Variants in GRHL2 observed in about 807,000 individuals in gnomAD.
The protein encoded by GRHL2 is grainyhead-like protein 2 homolog.
In GRHL2, 21 loss-of-function variants were observed where a neutral mutation model predicts 83.8. The ratio of observed to expected loss-of-function variants is 0.25; its 90% CI spans 0.18 to 0.36. The LOEUF is 0.36. Among genes scored for constraint, GRHL2 ranks in the 10% least tolerant of loss-of-function variants. GRHL2 has a pLI of 1.00. For missense variants in GRHL2, 623 were observed against 781.8 expected, an observed-to-expected ratio of 0.80 and a Z score of 2.42; for synonymous variants, 280 against 278.9, an observed-to-expected ratio of 1.00 and a Z score of -0.04.
intron 7 of GRHL2, among the ~76,000 whole-genome samples, chr8:101,595,247 A>T (rs1812368489): frequency 6.6e-6 from 1 of 152,202 alleles, no homozygotes; most frequent in Non-Finnish European, 1.5e-5. Flanking sequence ...AGAGTATTTT[A>T]TCTGTATCTA....
intron 1 of GRHL2, among the ~76,000 whole-genome samples, chr8:101,527,889 T>A (rs1294731234): frequency 2.6e-5 from 4 of 152,226 alleles, no homozygotes; most frequent in African/African-American, 9.6e-5. Flanking sequence ...GATGAGAAGT[T>A]TATTGGCTGG....
chr8:101,536,326 G>A (rs1267933924), intron 1 of GRHL2, among the ~76,000 whole-genome samples: 1 of 152,176 alleles, frequency 6.6e-6, no homozygotes, highest in African/African-American at 2.4e-5. Context: ...GGATCAAAGA[G>A]GGGAAAGTTG....
chr8:101,675,956 G>A, the GRHL2 span, among the ~76,000 whole-genome samples: 1 of 152,148 alleles, frequency 6.6e-6, no homozygotes, highest in African/African-American at 2.4e-5. Flanking sequence ...ACAAGCAATG[G>A]AGAAAGGATT....
At chr8:101,613,624 A>G (rs1338466267) in intron 8 of GRHL2, among the ~76,000 whole-genome samples, 3 of 151,174 alleles carry the variant, frequency 2.0e-5, no homozygotes, top group East Asian at 3.8e-4. Context: ...GCACACAAAT[A>G]CAATCCTATC....
chr8:101,617,539 T>C (rs1812880506), intron 8 of GRHL2, among the ~76,000 whole-genome samples: 1 of 152,188 alleles, frequency 6.6e-6, no homozygotes, highest in Admixed American at 6.5e-5. Flanking sequence ...GATCTCTCTC[T>C]GTCACCCAGG....
chr8:101,642,972 T>G (rs1436739790), intron 12 of GRHL2, among the ~76,000 whole-genome samples: 1 of 152,196 alleles, frequency 6.6e-6, no homozygotes, highest in Non-Finnish European at 1.5e-5. Flanking sequence ...TCCGGGCTCC[T>G]ACAGCAAATT....
chr8:101,610,184 T>G (rs1812720173), intron 8 of GRHL2, among the ~76,000 whole-genome samples: 1 of 151,010 alleles, frequency 6.6e-6, no homozygotes, highest in African/African-American at 2.5e-5. Context: ...CAGCAATACC[T>G]GGGATTCAAC....
At chr8:101,602,073 G>C (rs1032412657) in intron 8 of GRHL2, among the ~76,000 whole-genome samples, 1 of 152,176 alleles carries the variant, frequency 6.6e-6, no homozygotes, top group African/African-American at 2.4e-5. Flanking sequence ...GAGAACATGA[G>C]GTGTTTGGTT....
intron 14 of GRHL2, among the ~76,000 whole-genome samples, chr8:101,654,922 C>T (rs1280492434): frequency 6.6e-6 from 1 of 152,166 alleles, no homozygotes; most frequent in East Asian, 1.9e-4. Flanking sequence ...GTGGCTCACA[C>T]CTGTAATCCC....
chr8:101,607,635 A>T (rs892485547), intron 8 of GRHL2, among the ~76,000 whole-genome samples: 1 of 152,238 alleles, frequency 6.6e-6, no homozygotes, highest in African/African-American at 2.4e-5. Flanking sequence ...AAAAGTAAAA[A>T]TAGGGCTGGG....
At chr8:101,572,905 A>G (rs796257046) in intron 5 of GRHL2, among the ~76,000 whole-genome samples, 11 of 152,356 alleles carry the variant, frequency 7.2e-5, no homozygotes, top group African/African-American at 2.6e-4. Context: ...TTGGCAGGCT[A>G]TCGTCTCTAC....
At chr8:101,636,331 T>C (rs1364636830) in intron 11 of GRHL2, among the ~76,000 whole-genome samples, 2 of 152,228 alleles carry the variant, frequency 1.3e-5, no homozygotes, top group Non-Finnish European at 1.5e-5. Flanking sequence ...GCCTGAAGAC[T>C]GTTGACTCCC....
Position 101,552,718 on chromosome 8 carries a change from C to T in GRHL2, c.220C>T (p.Pro74Ser). 6.2e-7 allele frequency: 1 copy of T among 1,614,042 alleles called. No individual in the cohort carries two copies. The highest frequency in any genetic ancestry group is 8.5e-7 in the Non-Finnish European group (1 of 1,179,968). The change falls in exon 3 of 16, where the codon CCT becomes TCT. Residue 74 changes from proline to serine, a missense_variant. Coordinates refer to ENST00000646743, the MANE Select transcript of GRHL2 (RefSeq NM_024915.4). ...LGLLYDYYKV[P>S]RDKRLLSVSK... ...TGATGGTTGGTGATGTTTCCAGGTTCCTCGAGACAAGAGGCTGCTGTCTGT... is the reference window on the plus strand; with the variant it reads ...TGATGGTTGGTGATGTTTCCAGGTTTCTCGAGACAAGAGGCTGCTGTCTGT...
chr8:101,534,086 G>A (rs1473781061), intron 1 of GRHL2, among the ~76,000 whole-genome samples: 1 of 152,200 alleles, frequency 6.6e-6, no homozygotes, highest in Non-Finnish European at 1.5e-5. Context: ...AATCATAAAA[G>A]CAGGGAAACC....
At chr8:101,493,433 TCCCCCGCCTCC>T (rs1563548119) in intron 1 of GRHL2, among the ~76,000 whole-genome samples, 1 of 8,360 alleles carries the variant, frequency 1.2e-4, no homozygotes. Flanking sequence ...TCCTCCCCCC[TCCCCCGCCTCC>T]CTCCCCCGGG....
At chr8:101,670,748 G>A (rs1308941605), downstream of GRHL2, among the ~76,000 whole-genome samples, 1 of 152,206 alleles carries the variant, frequency 6.6e-6, no homozygotes, top group Non-Finnish European at 1.5e-5. Context: ...CCAGTTCCCT[G>A]GAATGAGACG....
At chr8:101,675,115 A>C in the GRHL2 span, among the ~76,000 whole-genome samples, 613 of 152,242 alleles carry the variant, frequency 4.0e-3, 4 homozygotes, top group African/African-American at 0.013. Flanking sequence ...CTGAATGGGC[A>C]AAAACTGGAA....
chr8:101,567,835 T>C (rs1161154862), intron 4 of GRHL2, among the ~76,000 whole-genome samples: 1 of 152,174 alleles, frequency 6.6e-6, no homozygotes, highest in Non-Finnish European at 1.5e-5. Context: ...TTTAGGAGGT[T>C]AGCCTATCCT....
intron 1 of GRHL2, among the ~76,000 whole-genome samples, chr8:101,525,837 G>A (rs746813218): frequency 6.6e-6 from 1 of 152,138 alleles, no homozygotes; most frequent in Non-Finnish European, 1.5e-5. Flanking sequence ...GGGTGTGGTG[G>A]CACATGTCTG....
Sources: gnomAD v4.1 joint callset for allele counts (sites outside exome capture counted in the v4.1 genomes callset) on GRCh38, gnomAD v4.1.1 for gene constraint, MANE v1.5 for transcripts, NCBI Gene and HGNC (gene_info 2026-07-23, HGNC 2026-07-21) for gene names.